Variants in CCDC192 observed in about 807,000 individuals in gnomAD.
CCDC192 encodes the protein coiled-coil domain containing 192.
intron 5 of CCDC192, among the ~76,000 whole-genome samples, chr5:127,832,671 A>G (rs1749856408): frequency 6.6e-6 from 1 of 152,190 alleles, no homozygotes; most frequent in African/African-American, 2.4e-5. Context: ...TAGTAAATAA[A>G]TATGACACAC....
intron 6 of CCDC192, among the ~76,000 whole-genome samples, chr5:127,926,936 C>T (rs980130711): frequency 6.6e-6 from 1 of 152,064 alleles, no homozygotes; most frequent in African/African-American, 2.4e-5. Flanking sequence ...AAAGAGTGTC[C>T]TGTTACCAAA....
chr5:127,710,703 G>T (rs1427150570), intron 2 of CCDC192, among the ~76,000 whole-genome samples: 1 of 152,018 alleles, frequency 6.6e-6, no homozygotes, highest in Non-Finnish European at 1.5e-5. Flanking sequence ...CCATGAGGGT[G>T]GTGTCTGGCA....
intron 3 of CCDC192, among the ~76,000 whole-genome samples, chr5:127,774,939 T>A (rs1457256503): frequency 1.3e-5 from 2 of 152,232 alleles, no homozygotes; most frequent in Non-Finnish European, 2.9e-5. Context: ...TCTATAACAT[T>A]TTGAGTTTGC....
intron 5 of CCDC192, among the ~76,000 whole-genome samples, chr5:127,811,567 A>G (rs558166779): frequency 6.6e-6 from 1 of 152,244 alleles, no homozygotes; most frequent in South Asian, 2.1e-4. Flanking sequence ...ATTTTTATTT[A>G]TTTTGTTCGC....
chr5:127,817,123 C>G (rs1362309935), intron 5 of CCDC192, among the ~76,000 whole-genome samples: 1 of 152,186 alleles, frequency 6.6e-6, no homozygotes, highest in Admixed American at 6.5e-5. Flanking sequence ...TTACCGGGTG[C>G]AATGTCACAC....
At chr5:127,798,047 C>T (rs779900399) in intron 4 of CCDC192, 59 bp from the exon 5 acceptor site, 44 of 396,790 alleles carry the variant, frequency 1.1e-4, no homozygotes, top group Non-Finnish European at 1.8e-4. Flanking sequence ...GTCTGTAATA[C>T]GTTGAGTATG....
chr5:127,901,038 G>A (rs1278566459), intron 6 of CCDC192, among the ~76,000 whole-genome samples: 2 of 152,162 alleles, frequency 1.3e-5, no homozygotes. Context: ...AAAAGTTTAA[G>A]TCTGTATAAG....
Position 127,756,271 on chromosome 5 carries a change from A to G in CCDC192, c.222+1896A>G, listed in dbSNP as rs369980701. ...CGATTTATCAAGACAGGGGAATTAC[A>G]ACGGAGAAAGAGTAAATCACAGAGC... On this transcript the variant is annotated intron_variant, in intron 3 of 6. Coordinates refer to ENST00000514853, the MANE Select transcript of CCDC192 (RefSeq NM_001317938.2). Among the ~76,000 whole-genome samples, 452 of 152,322 alleles carry G rather than the reference A, an allele frequency of 3.0e-3. 2 individuals are homozygous for G. The highest frequency in any genetic ancestry group is 0.01 in the African/African-American group (417 of 41,560).
intron 6 of CCDC192, among the ~76,000 whole-genome samples, chr5:127,900,611 C>G (rs1384910466): frequency 6.6e-6 from 1 of 152,090 alleles, no homozygotes; most frequent in African/African-American, 2.4e-5. Flanking sequence ...ATGAAACTAG[C>G]ACAAATGATT....
At chr5:127,710,845 C>T (rs970910106) in intron 2 of CCDC192, among the ~76,000 whole-genome samples, 5 of 152,100 alleles carry the variant, frequency 3.3e-5, no homozygotes, top group Admixed American at 6.5e-5. Flanking sequence ...TTTACTTTAT[C>T]GCAGGAACCT....
chr5:127,834,248 C>G (rs191822289), intron 5 of CCDC192, among the ~76,000 whole-genome samples: 1 of 152,190 alleles, frequency 6.6e-6, no homozygotes, highest in Non-Finnish European at 1.5e-5. Context: ...AACCTTCCCA[C>G]AATTTGTTGC....
At chr5:127,723,281 G>T (rs1752128638) in intron 2 of CCDC192, among the ~76,000 whole-genome samples, 2 of 152,104 alleles carry the variant, frequency 1.3e-5, no homozygotes, top group Non-Finnish European at 2.9e-5. Flanking sequence ...ATACAGAAAT[G>T]TTACTGATTT....
chr5:127,874,308 A>G (rs748364291), intron 5 of CCDC192, among the ~76,000 whole-genome samples: 9 of 152,194 alleles, frequency 5.9e-5, no homozygotes, highest in Non-Finnish European at 8.8e-5. Flanking sequence ...TGTTCATGCC[A>G]TTAACTAAGC....
chr5:127,749,096 T>C (rs1309797530), intron 2 of CCDC192, among the ~76,000 whole-genome samples: 2 of 152,174 alleles, frequency 1.3e-5, no homozygotes, highest in African/African-American at 2.4e-5. Flanking sequence ...TAATTGAATA[T>C]CCTTTATTTC....
intron 2 of CCDC192, among the ~76,000 whole-genome samples, chr5:127,710,778 T>C (rs1003454836): frequency 6.6e-6 from 1 of 152,122 alleles, no homozygotes; most frequent in East Asian, 1.9e-4. Flanking sequence ...AATTAAGAAA[T>C]TGAGATTCGG....
chr5:127,799,924 T>C (rs1288776832), intron 5 of CCDC192, among the ~76,000 whole-genome samples: 1 of 152,178 alleles, frequency 6.6e-6, no homozygotes, highest in Non-Finnish European at 1.5e-5. Context: ...AACGATAGTA[T>C]TTATTGAAAG....
At chr5:127,744,404 A>G (rs1223438639) in intron 2 of CCDC192, among the ~76,000 whole-genome samples, 1 of 152,080 alleles carries the variant, frequency 6.6e-6, no homozygotes, top group African/African-American at 2.4e-5. Context: ...ATGAATAGAT[A>G]TCAAACAGGA....
intron 6 of CCDC192, among the ~76,000 whole-genome samples, chr5:127,876,516 T>C (rs985311112): frequency 6.6e-6 from 1 of 152,136 alleles, no homozygotes; most frequent in Admixed American, 6.5e-5. Flanking sequence ...CTTTCCCAGC[T>C]TTGGGAGACT....
chr5:127,775,307 G>A (rs1055081913), intron 3 of CCDC192, among the ~76,000 whole-genome samples: 15 of 152,116 alleles, frequency 9.9e-5, no homozygotes, highest in African/African-American at 3.1e-4. Context: ...CCAAGTTCTG[G>A]TACCACACAA....
Sources: allele counts gnomAD v4.1 joint callset (sites outside exome capture counted in the v4.1 genomes callset), GRCh38; gene constraint gnomAD v4.1.1; transcripts MANE v1.5; gene names NCBI Gene and HGNC (gene_info 2026-07-23, HGNC 2026-07-21).